RAB27A: variants seen among roughly 807,000 people sequenced by gnomAD.
The protein encoded by RAB27A is ras-related protein Rab-27A.
In RAB27A, 17 loss-of-function variants were observed where a neutral mutation model predicts 20.8. The observed-to-expected ratio is 0.82, with a 90% CI of 0.56 to 1.23. The LOEUF (loss-of-function observed/expected upper bound fraction) is 1.23, where lower values mean the gene tolerates loss of function less well. Among genes scored for constraint, RAB27A ranks in the 50% most tolerant of loss-of-function variants. The pLI is 0.00. For missense variants in RAB27A, 277 were observed against 266.7 expected (o/e 1.04, Z -0.27); for synonymous variants, 85 against 92.8 (o/e 0.92, Z 0.48).
At chr15:55,260,623 AT>A (rs1228706083) in intron 2 of RAB27A, among the ~76,000 whole-genome samples, 1 of 152,252 alleles carries the variant, frequency 6.6e-6, no homozygotes, top group Non-Finnish European at 1.5e-5. Flanking sequence ...GAAATGAGCT[AT>A]CAAGCCATGA....
intron 6 of RAB27A, among the ~76,000 whole-genome samples, chr15:55,210,646 C>T (rs985213861): frequency 4.0e-5 from 6 of 150,384 alleles, no homozygotes; most frequent in Non-Finnish European, 5.9e-5. Flanking sequence ...TTATTTGAGC[C>T]CCTTATATAT....
At chr15:55,318,374 G>A (rs1157189171) in intron 1 of RAB27A, among the ~76,000 whole-genome samples, 2 of 150,414 alleles carry the variant, frequency 1.3e-5, no homozygotes, top group Non-Finnish European at 3.0e-5. Context: ...TGGGAATACA[G>A]GCGTGAGCCA....
intron 6 of RAB27A, among the ~76,000 whole-genome samples, chr15:55,210,318 G>A (rs73409851): frequency 0.27 from 39,732 of 148,574 alleles, 6,862 homozygotes; most frequent in African/African-American, 0.5. Flanking sequence ...TTTCTCCACA[G>A]TGCTTATGCT....
chr15:55,253,847 G>C (rs756547464), intron 2 of RAB27A, among the ~76,000 whole-genome samples: 1 of 152,148 alleles, frequency 6.6e-6, no homozygotes, highest in South Asian at 2.1e-4. Flanking sequence ...AACAACGCAA[G>C]AGGATAAAGG....
intron 2 of RAB27A, among the ~76,000 whole-genome samples, chr15:55,260,617 T>C (rs1004317629): frequency 3.9e-5 from 6 of 152,104 alleles, no homozygotes; most frequent in Non-Finnish European, 7.4e-5. Flanking sequence ...TAAAAAGAAA[T>C]GAGCTATCAA....
chr15:55,255,414 G>C (rs566426659), intron 2 of RAB27A, among the ~76,000 whole-genome samples: 1 of 152,262 alleles, frequency 6.6e-6, no homozygotes, highest in South Asian at 2.1e-4. Context: ...CTTTGGTACA[G>C]TTGCATATTT....
chr15:55,316,900 T>C (rs1019745458), intron 1 of RAB27A, among the ~76,000 whole-genome samples: 3 of 152,152 alleles, frequency 2.0e-5, no homozygotes, highest in Non-Finnish European at 4.4e-5. Context: ...TGCCAAAATA[T>C]ATTAAACCAA....
At chr15:55,209,865 T>C (rs866491051) in intron 6 of RAB27A, among the ~76,000 whole-genome samples, 19 of 12,282 alleles carry the variant, frequency 1.5e-3, no homozygotes, top group East Asian at 7.1e-3. Context: ...TGTATATACA[T>C]ATATACATAT....
intron 2 of RAB27A, among the ~76,000 whole-genome samples, chr15:55,265,432 C>A (rs560192951): frequency 6.6e-6 from 1 of 152,054 alleles, no homozygotes; most frequent in Non-Finnish European, 1.5e-5. Flanking sequence ...TACAGGCACA[C>A]ATAAGGACAA....
chr15:55,286,912 CTTTTTTTTTTTTTT>C (rs35313703), intron 1 of RAB27A, among the ~76,000 whole-genome samples: 1 of 57,138 alleles, frequency 1.8e-5, no homozygotes, highest in South Asian at 9.4e-4. Flanking sequence ...TAGATGTATT[CTTTTTTTTTTTTTT>C]TTTTTTTTTT....
intron 1 of RAB27A, among the ~76,000 whole-genome samples, 168 bp downstream of exon 1, chr15:55,289,548 G>A (rs962821173): frequency 6.6e-6 from 1 of 152,178 alleles, no homozygotes; most frequent in Non-Finnish European, 1.5e-5. Context: ...CTGCGCTGAG[G>A]GCCTGGGAGA....
At chr15:55,227,270 G>A (rs949148430) in intron 5 of RAB27A, among the ~76,000 whole-genome samples, 7 of 152,212 alleles carry the variant, frequency 4.6e-5, no homozygotes, top group South Asian at 4.1e-4. Flanking sequence ...AAACAGGTGC[G>A]TTATTTTTTG....
chr15:55,307,189 G>A (rs1031414937), intron 2 of RAB27A, among the ~76,000 whole-genome samples: 3 of 151,940 alleles, frequency 2.0e-5, no homozygotes, highest in Non-Finnish European at 4.4e-5. Flanking sequence ...CCTCCTCTCG[G>A]GGACAGGCTC....
upstream of RAB27A, among the ~76,000 whole-genome samples, chr15:55,291,915 T>C (rs542598785): frequency 2.0e-5 from 3 of 152,098 alleles, no homozygotes; most frequent in East Asian, 5.8e-4. Context: ...AGTTAAAGAG[T>C]GTTATTGGAG....
chr15:55,237,023 T>A (rs1264988952), intron 2 of RAB27A, among the ~76,000 whole-genome samples: 1 of 152,134 alleles, frequency 6.6e-6, no homozygotes, highest in Non-Finnish European at 1.5e-5. Flanking sequence ...TAAACTCTCC[T>A]GAAAATCATA....
intron 2 of RAB27A, among the ~76,000 whole-genome samples, chr15:55,241,630 G>GTGTGTA (rs1896495694): frequency 8.4e-6 from 1 of 118,896 alleles, no homozygotes; most frequent in African/African-American, 6.1e-5. Context: ...ATATATGTGT[G>GTGTGTA]TATATATATT....
chr15:55,299,631 G>T (rs934398990), intron 2 of RAB27A, among the ~76,000 whole-genome samples: 3 of 150,554 alleles, frequency 2.0e-5, no homozygotes. Context: ...GAAAGGCAGT[G>T]ACTGAGAAAC....
intron 1 of RAB27A, among the ~76,000 whole-genome samples, chr15:55,271,824 T>C (rs1197448677): frequency 2.0e-5 from 3 of 152,174 alleles, no homozygotes; most frequent in Non-Finnish European, 1.5e-5. Context: ...GACTGAAGAC[T>C]CAATCTGTCC....
chr15:55,213,898 T>C (rs1265837765), intron 6 of RAB27A, among the ~76,000 whole-genome samples: 1 of 152,234 alleles, frequency 6.6e-6, no homozygotes, highest in Non-Finnish European at 1.5e-5. Flanking sequence ...TGTAATATGT[T>C]TGAATCATTC....
Sources: allele counts gnomAD v4.1 joint callset (sites outside exome capture counted in the v4.1 genomes callset), GRCh38; gene constraint gnomAD v4.1.1; transcripts MANE v1.5; gene names NCBI Gene and HGNC (gene_info 2026-07-23, HGNC 2026-07-21).